SLIT2: variants seen among roughly 807,000 people sequenced by gnomAD.
SLIT2 encodes slit homolog 2 protein.
Under a neutral mutation model 185.7 loss-of-function variants are expected in SLIT2, and 41 were observed. The ratio of observed to expected loss-of-function variants is 0.22; its 90% CI spans 0.17 to 0.29. The LOEUF is 0.29. Ranked by LOEUF, SLIT2 falls within the 10% of genes least tolerant of loss-of-function variation. SLIT2 has a pLI of 1.00. For synonymous variants in SLIT2, 693 were observed against 680.2 expected, an observed-to-expected ratio of 1.02 and a Z score of -0.29; for missense variants, 1,571 against 1,909.0, an observed-to-expected ratio of 0.82 and a Z score of 3.30.
intron 4 of SLIT2, among the ~76,000 whole-genome samples, chr4:20,304,263 T>C (rs895661897): frequency 2.0e-5 from 3 of 152,110 alleles, no homozygotes; most frequent in Non-Finnish European, 4.4e-5. Context: ...CTAGATAACT[T>C]TTTTAAAAGA....
rs1722096931 is a variant in SLIT2 at position 20,252,197 on chromosome 4, C to T, written c.-1619C>T. On this transcript the variant is annotated 5_prime_UTR_variant, in exon 1 of 37. Coordinates refer to ENST00000504154, the MANE Select transcript of SLIT2 (RefSeq NM_004787.4). ...GGCTACGCTGAGCGCCAGTCAGCCC[C>T]AGCGAACAACTCCAGTTACGACAAC... is the stretch of plus-strand genomic sequence containing the variant. Among the ~76,000 whole-genome samples, 1 of 152,014 alleles carries T rather than the reference C, an allele frequency of 6.6e-6. No individual in the cohort carries two copies. Among genetic ancestry groups the T allele is most frequent in the Non-Finnish European group, 1.5e-5 (1 of 67,996 alleles).
chr4:20,493,315 A>T (rs142134233), intron 9 of SLIT2, among the ~76,000 whole-genome samples: 88 of 150,422 alleles, frequency 5.9e-4, no homozygotes, highest in African/African-American at 1.8e-3. Flanking sequence ...CTTGATGGGA[A>T]GATATTAGAT....
At chr4:20,594,506 G>A (rs116658165) in intron 30 of SLIT2, among the ~76,000 whole-genome samples, 1,784 of 152,050 alleles carry the variant, frequency 0.012, 29 homozygotes, top group African/African-American at 0.041. Flanking sequence ...GAGTGTTGAG[G>A]AAAAGGTGGA....
intron 26 of SLIT2, among the ~76,000 whole-genome samples, chr4:20,554,763 GTTTT>G (rs144729112): frequency 6.8e-6 from 1 of 146,238 alleles, no homozygotes; most frequent in African/African-American, 2.5e-5. Context: ...CTTTTGTTTT[GTTTT>G]TTTTTTGTTT....
chr4:20,417,614 T>G (rs1466537536), intron 4 of SLIT2, among the ~76,000 whole-genome samples: 2 of 151,598 alleles, frequency 1.3e-5, no homozygotes, highest in Admixed American at 6.6e-5. Flanking sequence ...CTCTGCCTCC[T>G]AAGTTCAAGC....
At chr4:20,590,816 A>G (rs1727458155) in intron 30 of SLIT2, among the ~76,000 whole-genome samples, 1 of 152,196 alleles carries the variant, frequency 6.6e-6, no homozygotes, top group Admixed American at 6.5e-5. Context: ...TGAGGAAACC[A>G]TGGCCCGGAG....
chr4:20,431,769 A>G (rs1267872015), intron 4 of SLIT2, among the ~76,000 whole-genome samples: 1 of 152,124 alleles, frequency 6.6e-6, no homozygotes, highest in African/African-American at 2.4e-5. Flanking sequence ...AGCTTATTTG[A>G]CTTCTTGGAA....
chr4:20,450,876 CT>C (rs768600369), intron 4 of SLIT2, among the ~76,000 whole-genome samples: 4 of 152,112 alleles, frequency 2.6e-5, no homozygotes, highest in Non-Finnish European at 5.9e-5. Flanking sequence ...GTCCCAGCAT[CT>C]GTATCCATGT....
In SLIT2 at chr4:20,472,386, G is replaced by GATATAGATATCTATATATCTATATA. The variant is rs1560453735; in HGVS notation, c.467+4563_467+4564insATATAGATATCTATATATCTATATA. On this transcript the variant is annotated intron_variant, in intron 5 of 36. Transcript: ENST00000504154. ...TATAGATATCTATATCTATATATATGTAGATATATAGATATAGATATCTAT... is the reference window on the plus strand; with the variant it reads ...TATAGATATCTATATCTATATATATGATATAGATATCTATATATCTATATATAGATATATAGATATAGATATCTAT... Among the ~76,000 whole-genome samples the GATATAGATATCTATATATCTATATA allele has an allele frequency of 8.6e-4, 33 of 38,394 alleles. 2 individuals are homozygous for GATATAGATATCTATATATCTATATA. The highest frequency in any genetic ancestry group is 3.1e-3 in the African/African-American group (22 of 7,018). The allele number at this position is 38,394 out of a possible 152,430, so 25.2% of individuals were successfully genotyped here. A position where few individuals can be genotyped will look rare whatever the true frequency, so the allele number is the denominator to read the frequency against.
chr4:20,512,735 T>A (rs1719867968), intron 11 of SLIT2, among the ~76,000 whole-genome samples: 1 of 152,302 alleles, frequency 6.6e-6, no homozygotes, highest in East Asian at 1.9e-4. Flanking sequence ...TGTCAGTTCC[T>A]GATTCTCCAC....
chr4:20,580,282 C>T (rs1726446451), intron 29 of SLIT2, among the ~76,000 whole-genome samples: 1 of 151,244 alleles, frequency 6.6e-6, no homozygotes. Context: ...AGGTGATCCA[C>T]GCACCTCGGC....
intron 6 of SLIT2, among the ~76,000 whole-genome samples, chr4:20,485,903 A>G (rs1717187125): frequency 6.6e-6 from 1 of 152,216 alleles, no homozygotes; most frequent in African/African-American, 2.4e-5. Flanking sequence ...TTCTTAACCA[A>G]TATCCTAAAT....
chr4:20,447,762 T>C (rs1711979561), intron 4 of SLIT2, among the ~76,000 whole-genome samples: 1 of 152,218 alleles, frequency 6.6e-6, no homozygotes, highest in Non-Finnish European at 1.5e-5. Context: ...AACCGCTCTC[T>C]GTTTCTCCTA....
At chr4:20,488,640 T>G (rs1717484417) in intron 7 of SLIT2, among the ~76,000 whole-genome samples, 179 bp from the exon 8 acceptor site, 1 of 152,226 alleles carries the variant, frequency 6.6e-6, no homozygotes, top group Non-Finnish European at 1.5e-5. Context: ...ATTGCTCAGT[T>G]CAGACTAAAT....
At chr4:20,520,074 T>C (rs1250386421) in intron 12 of SLIT2, among the ~76,000 whole-genome samples, 4 of 140,090 alleles carry the variant, frequency 2.9e-5, no homozygotes, top group Admixed American at 2.1e-4. Flanking sequence ...GGTGATATAC[T>C]CAGCAACTTT....
At position 20,252,593 on chromosome 4, in the gene SLIT2, C is replaced by A. The variant is rs916197575; in HGVS notation, c.-1223C>A. ...TAGTGGGAGACCGCCGGGGGCCGGC[C>A]GTGGCTCTGCGCCCTCCGGAACCCG... On this transcript the variant is annotated 5_prime_UTR_variant, in exon 1 of 37. Transcript: ENST00000504154. Among the ~76,000 whole-genome samples the A allele has an allele frequency of 6.6e-6, 1 of 152,240 alleles. No individual in the cohort carries two copies. The highest frequency in any genetic ancestry group is 1.5e-5 in the Non-Finnish European group (1 of 68,040).
chr4:20,397,750 A>G lies in SLIT2; in HGVS notation c.396-70002A>G, dbSNP rs958502977. 2.0e-5 allele frequency among the ~76,000 whole-genome samples: 3 copies of G among 151,834 alleles called. No homozygotes were observed. The East Asian group carries it at 5.8e-4, about 29-fold the overall frequency. Reference sequence around the variant, plus strand: ...TAGAGCAGTTTACATTTACAGAAAAATAGAACAGTAAGTGCAGAGAGCTCC... The same window carrying G: ...TAGAGCAGTTTACATTTACAGAAAAGTAGAACAGTAAGTGCAGAGAGCTCC... On this transcript the variant is annotated intron_variant, in intron 4 of 36. Transcript: ENST00000504154.
chr4:20,288,089 A>G (rs1209829105), intron 4 of SLIT2, among the ~76,000 whole-genome samples: 1 of 152,242 alleles, frequency 6.6e-6, no homozygotes, highest in African/African-American at 2.4e-5. Flanking sequence ...GTAAGTCGAT[A>G]GAATTTCCAG....
At chr4:20,540,210 C>A (rs1467659603) in intron 19 of SLIT2, among the ~76,000 whole-genome samples, 6 of 151,700 alleles carry the variant, frequency 4.0e-5, no homozygotes, top group African/African-American at 1.2e-4. Flanking sequence ...ATTGCTTGAA[C>A]TGGGGAGGCG....
Sources: gnomAD v4.1 joint callset for allele counts (sites outside exome capture counted in the v4.1 genomes callset) on GRCh38, gnomAD v4.1.1 for gene constraint, MANE v1.5 for transcripts, NCBI Gene and HGNC (gene_info 2026-07-23, HGNC 2026-07-21) for gene names.